Variants in MTUS2 observed in about 807,000 individuals in gnomAD.
MTUS2 encodes the protein microtubule-associated tumor suppressor candidate 2.
Under a neutral mutation model 114.1 loss-of-function variants are expected in MTUS2, and 40 were observed. The ratio of observed to expected loss-of-function variants is 0.35; its 90% CI spans 0.27 to 0.46. The LOEUF (loss-of-function observed/expected upper bound fraction) is 0.46, where lower values mean the gene tolerates loss of function less well. Ranked by LOEUF, MTUS2 falls within the 20% of genes least tolerant of loss-of-function variation. The pLI, the probability that MTUS2 is intolerant of heterozygous loss-of-function variation, is 1.00. For missense variants in MTUS2, 1,679 were observed against 1,705.4 expected (o/e 0.98, Z 0.27); for synonymous variants, 688 against 672.0 (o/e 1.02, Z -0.37).
intron 5 of MTUS2, among the ~76,000 whole-genome samples, chr13:29,119,967 G>C (rs1891239094): frequency 6.6e-6 from 1 of 152,152 alleles, no homozygotes; most frequent in Non-Finnish European, 1.5e-5. Flanking sequence ...AATAGGTCAT[G>C]TTCAATTGCA....
At chr13:29,449,723 T>C (rs908914549) in intron 9 of MTUS2, among the ~76,000 whole-genome samples, 16 of 150,316 alleles carry the variant, frequency 1.1e-4, no homozygotes, top group African/African-American at 3.7e-4. Flanking sequence ...CAAAATAAAA[T>C]AGTTGTTACT....
intron 2 of MTUS2, among the ~76,000 whole-genome samples, chr13:28,906,097 G>A (rs143564489): frequency 0.035 from 5,294 of 151,486 alleles, 427 homozygotes; most frequent in African/African-American, 0.12. Context: ...GATTGGTGGT[G>A]ATATCCCCTT....
intron 2 of MTUS2, among the ~76,000 whole-genome samples, chr13:28,852,414 AGT>A (rs1876338972): frequency 6.6e-6 from 1 of 152,164 alleles, no homozygotes; most frequent in South Asian, 2.1e-4. Context: ...TAGAAAAAAA[AGT>A]GAGTGAAACT....
intron 4 of MTUS2, among the ~76,000 whole-genome samples, chr13:29,039,467 G>A (rs921534725): frequency 8.5e-5 from 13 of 152,308 alleles, no homozygotes; most frequent in Non-Finnish European, 1.9e-4. Flanking sequence ...GTCACAGGGC[G>A]CAGCTGCAGC....
At chr13:28,866,000 A>G (rs1010844460) in intron 2 of MTUS2, among the ~76,000 whole-genome samples, 9 of 152,138 alleles carry the variant, frequency 5.9e-5, no homozygotes, top group Non-Finnish European at 2.9e-5. Context: ...AGCGAATAGA[A>G]TGTTTTTTAG....
At chr13:29,031,237 G>GGGGTGTGTGTGTGTGTGTGTGT (rs144071821) in intron 3 of MTUS2, among the ~76,000 whole-genome samples, 4 of 122,886 alleles carry the variant, frequency 3.3e-5, no homozygotes, top group Non-Finnish European at 5.1e-5. Context: ...AGAACTAATA[G>GGGGTGTGTGTGTGTGTGTGTGT]GTGTGTGTGT....
intron 5 of MTUS2, among the ~76,000 whole-genome samples, chr13:29,276,418 A>G (rs1898065851): frequency 2.0e-5 from 3 of 152,188 alleles, no homozygotes; most frequent in African/African-American, 7.2e-5. Context: ...TGATTCAGAT[A>G]TCTACAGAAG....
chr13:29,339,343 T>C (rs950566956), intron 7 of MTUS2, among the ~76,000 whole-genome samples: 48 of 152,080 alleles, frequency 3.2e-4, no homozygotes, highest in Non-Finnish European at 6.6e-4. Context: ...CCTCTCCATG[T>C]CTCCTGATGG....
chr13:29,317,416 C>T (rs1362264728), intron 6 of MTUS2, among the ~76,000 whole-genome samples: 1 of 132,540 alleles, frequency 7.5e-6, no homozygotes, highest in African/African-American at 2.9e-5. Flanking sequence ...CGCTTGTGCG[C>T]GCGCTCTCTC....
chr13:28,859,211 C>T (rs1876821303), intron 2 of MTUS2, among the ~76,000 whole-genome samples: 2 of 152,088 alleles, frequency 1.3e-5, no homozygotes, highest in Non-Finnish European at 2.9e-5. Flanking sequence ...TGGACTTGAC[C>T]CTGTGTTGCC....
At chr13:28,981,546 T>A (rs1884358981) in intron 2 of MTUS2, among the ~76,000 whole-genome samples, 1 of 152,196 alleles carries the variant, frequency 6.6e-6, no homozygotes, top group Non-Finnish European at 1.5e-5. Flanking sequence ...TACATTTCGC[T>A]GCATGTAAAT....
At position 29,402,359 on chromosome 13, in the gene MTUS2, G is replaced by T. The variant is rs573550639; in HGVS notation, c.3118-37624G>T. On this transcript the variant is annotated intron_variant, in intron 8 of 15. Transcript: ENST00000612955. Reference sequence around the variant, plus strand: ...TCTCTCTTAGGGACTTGGTTTTTCAGATGTAGAGTGTCAGCAGATGGTAGT... The same window carrying T: ...TCTCTCTTAGGGACTTGGTTTTTCATATGTAGAGTGTCAGCAGATGGTAGT... 1.5e-3 allele frequency among the ~76,000 whole-genome samples: 224 copies of T among 152,292 alleles called. 1 individual carries two copies. The highest frequency in any genetic ancestry group is 5.3e-3 in the African/African-American group (222 of 41,550).
At chr13:29,342,163 AT>A (rs1901432130) in intron 7 of MTUS2, among the ~76,000 whole-genome samples, 1 of 152,018 alleles carries the variant, frequency 6.6e-6, no homozygotes, top group African/African-American at 2.4e-5. Flanking sequence ...GAATTTTAGA[AT>A]TGTTTTTTTC....
intron 1 of MTUS2, among the ~76,000 whole-genome samples, 199 bp downstream of exon 1, chr13:28,820,810 C>T (rs1436508023): frequency 6.6e-6 from 1 of 152,190 alleles, no homozygotes; most frequent in Non-Finnish European, 1.5e-5. Context: ...GACTGCAGCT[C>T]TTTTGGCACC....
At chr13:29,449,662 T>TG (rs1198717398) in intron 9 of MTUS2, among the ~76,000 whole-genome samples, 6 of 128,446 alleles carry the variant, frequency 4.7e-5, no homozygotes, top group Non-Finnish European at 1.1e-4. Context: ...GACCACCAAG[T>TG]GGTTTTTTTT....
At chr13:29,302,432 C>A (rs985998452) in intron 6 of MTUS2, among the ~76,000 whole-genome samples, 3 of 152,152 alleles carry the variant, frequency 2.0e-5, no homozygotes, top group Admixed American at 2.0e-4. Flanking sequence ...TTTGGCAGAG[C>A]AGCCACTCAG....
chr13:29,272,277 A>G (rs1897908326), intron 5 of MTUS2, among the ~76,000 whole-genome samples: 1 of 152,246 alleles, frequency 6.6e-6, no homozygotes, highest in South Asian at 2.1e-4. Flanking sequence ...CAGCTGGAAC[A>G]TTATACAATT....
Position 28,827,299 on chromosome 13 carries a change from C to CT in MTUS2, c.-316+6697dup, listed in dbSNP as rs570463209. 4.0e-3 allele frequency among the ~76,000 whole-genome samples: 599 copies of CT among 151,406 alleles called. 2 individuals are homozygous for CT. Among genetic ancestry groups the CT allele is most frequent in the Non-Finnish European group, 6.9e-3 (467 of 67,798 alleles). The stretch of plus-strand genomic sequence containing the variant: ...TTTTCTGAAGACTCTAGCAAGTATT[C>CT]TTTTTTTTTAAATCCACATTGTATT... On this transcript the variant is annotated intron_variant, in intron 1 of 15. Transcript: ENST00000612955.
Position 29,504,459 on chromosome 13 carries a change from A to G in MTUS2, c.*1253A>G. On this transcript the variant is annotated 3_prime_UTR_variant, in exon 16 of 16. Coordinates refer to ENST00000612955, the MANE Select transcript of MTUS2 (RefSeq NM_001033602.4). Reference sequence around the variant, plus strand: ...AGCTGTGCTAGATCATCACACGACCACCCAGAAACCCACTTGCACTTCCTG... The same window carrying G: ...AGCTGTGCTAGATCATCACACGACCGCCCAGAAACCCACTTGCACTTCCTG... The G allele has an allele frequency of 4.3e-6, 1 of 232,398 alleles. No individual in the cohort carries two copies. The highest frequency in any genetic ancestry group is 8.5e-6 in the Non-Finnish European group (1 of 117,594). 14.4% of individuals were successfully genotyped at this position (232,398 alleles called of 1,614,324 possible). A position where few individuals can be genotyped will look rare whatever the true frequency, so the allele number is the denominator to read the frequency against.
Sources: gnomAD v4.1 joint callset for allele counts (sites outside exome capture counted in the v4.1 genomes callset) on GRCh38, gnomAD v4.1.1 for gene constraint, MANE v1.5 for transcripts, NCBI Gene and HGNC (gene_info 2026-07-23, HGNC 2026-07-21) for gene names.